Variants in RASGEF1B observed in about 807,000 individuals in gnomAD.
RASGEF1B encodes the protein RasGEF domain family member 1B.
A neutral mutation model predicts 65.7 loss-of-function variants in RASGEF1B; 30 were observed. The observed-to-expected ratio is 0.46, with a 90% CI of 0.34 to 0.62. RASGEF1B has a LOEUF of 0.62. Among genes scored for constraint, RASGEF1B ranks in the 20% least tolerant of loss-of-function variants. The probability of loss-of-function intolerance (pLI) is 0.01; values close to 1 mark genes in which losing one functional copy is unlikely to be tolerated. For missense variants in RASGEF1B, 495 were observed against 580.1 expected, an observed-to-expected ratio of 0.85 and a Z score of 1.51; for synonymous variants, 175 against 194.8, an observed-to-expected ratio of 0.90 and a Z score of 0.85.
intron 1 of RASGEF1B, among the ~76,000 whole-genome samples, chr4:81,468,201 A>G (rs375537540): frequency 6.6e-6 from 1 of 152,212 alleles, no homozygotes; most frequent in Non-Finnish European, 1.5e-5. Flanking sequence ...TCTACACCTA[A>G]TTCATCTCAG....
chr4:81,449,855 T>C (rs534639929), intron 4 of RASGEF1B, among the ~76,000 whole-genome samples: 70 of 152,332 alleles, frequency 4.6e-4, no homozygotes, highest in African/African-American at 1.6e-3. Flanking sequence ...TGGTTAACTC[T>C]TGCATAGTCA....
chr4:81,456,494 C>A (rs563348535), intron 4 of RASGEF1B, 157 bp downstream of exon 4: 1 of 787,738 alleles, frequency 1.3e-6, no homozygotes, highest in Non-Finnish European at 2.3e-6. Flanking sequence ...ATCATTCTCA[C>A]TTGACATACT....
intron 4 of RASGEF1B, chr4:81,451,594 T>G (rs892586136): frequency 1.3e-5 from 2 of 152,228 alleles, no homozygotes; most frequent in African/African-American, 4.8e-5. Flanking sequence ...TTTTTTGGCC[T>G]CTTTTGCTTT....
At position 81,470,832 on chromosome 4, in the gene RASGEF1B, G is replaced by A. The variant is rs79721317; in HGVS notation, c.-7+938C>T. 3.5e-3 allele frequency among the ~76,000 whole-genome samples: 528 copies of A among 152,260 alleles called. 9 individuals are homozygous for A. The East Asian group carries it at 0.043, about 12-fold the overall frequency. On this transcript the variant is annotated intron_variant, in intron 1 of 13. Transcript: ENST00000264400. ...GGATTAAGCTACGTTGCTTTTGCCTGAACTGCGCCGATTTGGTTGGGGCAA... is the reference window on the plus strand; with the variant it reads ...GGATTAAGCTACGTTGCTTTTGCCTAAACTGCGCCGATTTGGTTGGGGCAA...
chr4:81,451,414 A>T (rs1232985575), intron 4 of RASGEF1B: 1 of 152,230 alleles, frequency 6.6e-6, no homozygotes, highest in African/African-American at 2.4e-5. Context: ...TCCAAGACAT[A>T]ACACAGAGAA....
At chr4:81,433,773 T>C in intron 12 of RASGEF1B, 67 bp downstream of exon 12, 1 of 1,563,420 alleles carries the variant, frequency 6.4e-7, no homozygotes, top group Non-Finnish European at 8.8e-7. Flanking sequence ...AACCAAGCAT[T>C]TCTATACTAA....
At position 81,466,263 on chromosome 4, in the gene RASGEF1B, T is replaced by C. The variant is rs1483934159; in HGVS notation, c.-7+5507A>G. On this transcript the variant is annotated intron_variant, in intron 1 of 13. Coordinates refer to ENST00000264400, the MANE Select transcript of RASGEF1B (RefSeq NM_152545.3). ...CTTCCTTTTCTCCCTTGAAGCTGCA[T>C]AGATCTGAATTAAGAGTTCACGTAT... Among the ~76,000 whole-genome samples the C allele has an allele frequency of 2.6e-5, 4 of 152,210 alleles. No individual in the cohort carries two copies. The East Asian group carries it at 5.8e-4, about 22-fold the overall frequency.
chr4:81,457,368 C>G, intron 3 of RASGEF1B, 131 bp downstream of exon 3: 1 of 802,994 alleles, frequency 1.2e-6, no homozygotes, highest in South Asian at 1.7e-5. Context: ...CACAATTCCC[C>G]TTGTATAGCC....
chr4:81,427,708 G>T lies in RASGEF1B; in HGVS notation c.*60C>A, dbSNP rs931489293. On this transcript the variant is annotated 3_prime_UTR_variant, in exon 14 of 14. Coordinates refer to ENST00000264400, the MANE Select transcript of RASGEF1B (RefSeq NM_152545.3). Reference sequence around the variant, plus strand: ...TGGTACGAGATGCCAGAAAACAAAGGCCAGCCCCTCCATGATCTGCAGGAA... The same window carrying T: ...TGGTACGAGATGCCAGAAAACAAAGTCCAGCCCCTCCATGATCTGCAGGAA... The T allele has an allele frequency of 6.2e-7, 1 of 1,605,460 alleles. No individual in the cohort carries two copies.
chr4:81,448,887 T>G (rs1722144234), intron 4 of RASGEF1B, among the ~76,000 whole-genome samples: 1 of 152,164 alleles, frequency 6.6e-6, no homozygotes, highest in Admixed American at 6.5e-5. Context: ...TGATCTTGTC[T>G]CACTATAACC....
chr4:81,460,574 G>A (rs1722606676), intron 1 of RASGEF1B, among the ~76,000 whole-genome samples: 1 of 152,178 alleles, frequency 6.6e-6, no homozygotes, highest in African/African-American at 2.4e-5. Context: ...CAATGTGGGA[G>A]GGGTGTGGAG....
intron 1 of RASGEF1B, among the ~76,000 whole-genome samples, chr4:81,466,802 G>GAAAGAAAA (rs1277297463): frequency 5.5e-5 from 8 of 144,704 alleles, no homozygotes; most frequent in South Asian, 2.2e-4. Context: ...AAGAAAGAAA[G>GAAAGAAAA]AAAGAAAGAA....
At chr4:81,464,475 G>A (rs1722741787) in intron 1 of RASGEF1B, among the ~76,000 whole-genome samples, 1 of 152,158 alleles carries the variant, frequency 6.6e-6, no homozygotes, top group Non-Finnish European at 1.5e-5. Context: ...CAGAGAGCAG[G>A]TTAATCTCAA....
intron 1 of RASGEF1B, among the ~76,000 whole-genome samples, chr4:81,463,009 G>T (rs1722699932): frequency 6.6e-6 from 1 of 152,138 alleles, no homozygotes; most frequent in African/African-American, 2.4e-5. Context: ...TCAGAGTTAG[G>T]TCTTCAGACT....
intron 9 of RASGEF1B, among the ~76,000 whole-genome samples, chr4:81,441,988 C>T (rs760804673): frequency 6.6e-6 from 1 of 152,168 alleles, no homozygotes; most frequent in Admixed American, 6.5e-5. Context: ...CTAATAGGCT[C>T]ACAGTGAAGT....
intron 1 of RASGEF1B, among the ~76,000 whole-genome samples, chr4:81,467,313 T>A (rs560670163): frequency 2.0e-5 from 3 of 152,324 alleles, no homozygotes; most frequent in Admixed American, 2.0e-4. Flanking sequence ...TCAAATAGTT[T>A]ACTATCTTTG....
intron 7 of RASGEF1B, 57 bp from the exon 8 acceptor site, chr4:81,445,685 A>G: frequency 6.3e-7 from 1 of 1,584,234 alleles, no homozygotes; most frequent in Non-Finnish European, 8.7e-7. Flanking sequence ...CAACAGTTCT[A>G]AAATAAGTAT....
chr4:81,432,479 C>G (rs1461360441), intron 12 of RASGEF1B, 108 bp from the exon 13 acceptor site: 2 of 634,046 alleles, frequency 3.2e-6, no homozygotes, highest in Non-Finnish European at 5.6e-6. Flanking sequence ...AAATACTCTT[C>G]AAAATATCAA....
intron 4 of RASGEF1B, chr4:81,451,839 C>G (rs919605260): frequency 6.6e-6 from 1 of 152,232 alleles, no homozygotes. Flanking sequence ...ACATCATGCA[C>G]CTTCTCCTCA....
Sources: allele counts gnomAD v4.1 joint callset (sites outside exome capture counted in the v4.1 genomes callset), GRCh38; gene constraint gnomAD v4.1.1; transcripts MANE v1.5; gene names NCBI Gene and HGNC (gene_info 2026-07-23, HGNC 2026-07-21).